Variants in TSNARE1 observed in about 807,000 individuals in gnomAD.
TSNARE1 encodes t-SNARE domain-containing protein 1.
Under a neutral mutation model 62.0 loss-of-function variants are expected in TSNARE1, and 49 were observed. The ratio of observed to expected loss-of-function variants is 0.79; its 90% CI spans 0.63 to 1.00. The LOEUF (loss-of-function observed/expected upper bound fraction) is 1.00. TSNARE1 is among the 50% of genes least tolerant of loss of function. TSNARE1 has a pLI of 0.00. For synonymous variants in TSNARE1, 328 were observed against 294.4 expected, an observed-to-expected ratio of 1.11 and a Z score of -1.17; for missense variants, 755 against 700.1, an observed-to-expected ratio of 1.08 and a Z score of -0.88.
intron 1 of TSNARE1, among the ~76,000 whole-genome samples, chr8:142,389,347 T>C (rs1837322327): frequency 6.6e-6 from 1 of 152,178 alleles, no homozygotes; most frequent in South Asian, 2.1e-4. Flanking sequence ...CAATGATTTT[T>C]TTAATATGAC....
At chr8:142,303,833 C>T (rs906527637) in intron 9 of TSNARE1, among the ~76,000 whole-genome samples, 1 of 152,110 alleles carries the variant, frequency 6.6e-6, no homozygotes, top group Non-Finnish European at 1.5e-5. Flanking sequence ...CTTAGAGGGA[C>T]GTGGCATGAG....
intron 1 of TSNARE1, among the ~76,000 whole-genome samples, chr8:142,399,888 G>A (rs1033260013): frequency 1.3e-5 from 2 of 152,144 alleles, no homozygotes; most frequent in African/African-American, 2.4e-5. Context: ...AGAAACGCCC[G>A]TGTGCATTAA....
In TSNARE1 at chr8:142,222,472, C is replaced by CCACTCACTCACTCATCCACTAATT. The variant is rs1816372983; in HGVS notation, c.*11+7000_*11+7001insAATTAGTGGATGAGTGAGTGAGTG. ...CTCACTCACTCACTCATCCACTCATCCACTCACTCACTCACTCATCCACTC... is the reference window on the plus strand; with the variant it reads ...CTCACTCACTCACTCATCCACTCATCCACTCACTCACTCATCCACTAATTCACTCACTCACTCACTCATCCACTC... On this transcript the variant is annotated intron_variant, in intron 13 of 13. Transcript: ENST00000524325. 6.7e-4 allele frequency among the ~76,000 whole-genome samples: 23 copies of CCACTCACTCACTCATCCACTAATT among 34,090 alleles called. 3 individuals are homozygous for CCACTCACTCACTCATCCACTAATT. The highest frequency in any genetic ancestry group is 1.8e-3 in the South Asian group (2 of 1,110). The allele number at this position is 34,090 out of a possible 152,430, so 22.4% of individuals were successfully genotyped here. A position where few individuals can be genotyped will look rare whatever the true frequency, so the allele number is the denominator to read the frequency against.
chr8:142,256,510 C>G, intron 12 of TSNARE1, among the ~76,000 whole-genome samples: 1 of 148,452 alleles, frequency 6.7e-6, no homozygotes, highest in Admixed American at 6.7e-5. Context: ...CTGTAACCAT[C>G]ACCACCACCA....
rs560215170 is a variant in TSNARE1, at chr8:142,320,149, C to T, written c.894-1515G>A. Among the ~76,000 whole-genome samples, 6 of 152,318 alleles carry T rather than the reference C, an allele frequency of 3.9e-5. No individual in the cohort carries two copies. In the South Asian group the frequency reaches 1.0e-3, roughly 26 times the overall value. On this transcript the variant is annotated intron_variant, in intron 6 of 13. Transcript: ENST00000524325. ...GGCCTCCCGTCCCCGGCCCACTCACCACTGCATCCCCTCACATTCTGTGCA... is the reference window on the plus strand; with the variant it reads ...GGCCTCCCGTCCCCGGCCCACTCACTACTGCATCCCCTCACATTCTGTGCA...
intron 10 of TSNARE1, among the ~76,000 whole-genome samples, chr8:142,297,742 C>T (rs562209698): frequency 2.0e-5 from 3 of 152,346 alleles, no homozygotes; most frequent in Admixed American, 6.5e-5. Flanking sequence ...TCATGCGTCA[C>T]GCTGGAGTTA....
rs55916891 is a variant in TSNARE1 at position 142,345,776 on chromosome 8, C to T, written c.205G>A (p.Gly69Ser). Residue 69 changes from glycine (G) to serine (S), a missense_variant, in exon 3 of 14, where the codon GGC becomes AGC. Physicochemically the swap from Gly to Ser is moderately conservative, Grantham distance 56 (BLOSUM62 0). Coordinates refer to ENST00000524325, the MANE Select transcript of TSNARE1 (RefSeq NM_145003.5). ...CTGGCCCTTGGGACAATAGGCGTGC[C>T]TGCTGGCCCCAGATCACCTTCCCCG... is the stretch of plus-strand genomic sequence containing the variant. ...KDGEGDLGPAGTPIVPRARKR... is the reference protein window; with the variant it reads ...KDGEGDLGPASTPIVPRARKR... The T allele has an allele frequency of 6.2e-7, 1 of 1,613,328 alleles. No individual in the cohort carries two copies. Among genetic ancestry groups the T allele is most frequent in the African/African-American group, 1.3e-5 (1 of 74,880 alleles).
chr8:142,261,087 GA>G (rs1818858946), intron 12 of TSNARE1, among the ~76,000 whole-genome samples: 1 of 52,464 alleles, frequency 1.9e-5, no homozygotes, highest in African/African-American at 7.9e-5. Context: ...AGGAAAGGAG[GA>G]AGGAGGGAAG....
In TSNARE1 at chr8:142,278,507, G is replaced by GC. The variant is rs1398196904; in HGVS notation, c.1364-3645dup. The GC allele has an allele frequency of 3.0e-6, 3 of 985,476 alleles. No homozygotes were observed. In the East Asian group the frequency reaches 3.4e-4, roughly 112 times the overall value. 61.0% of individuals were successfully genotyped at this position (985,476 alleles called of 1,614,324 possible). ...AGCGGGGCTCTGCTTCGAAGGGTGT[G>GC]CCACCATATGCGGAGGACGGCGAAG... On this transcript the variant is annotated intron_variant, in intron 11 of 13. Coordinates refer to ENST00000524325, the MANE Select transcript of TSNARE1 (RefSeq NM_145003.5).
At chr8:142,273,450 G>GC (rs1819928944) in intron 12 of TSNARE1, 1 of 985,256 alleles carries the variant, frequency 1.0e-6, no homozygotes, top group African/African-American at 1.7e-5. Context: ...GACTAGAGGT[G>GC]CTGGGCCAAG....
chr8:142,346,988 C>T (rs957730099), intron 2 of TSNARE1, among the ~76,000 whole-genome samples: 2 of 152,218 alleles, frequency 1.3e-5, no homozygotes, highest in Admixed American at 6.5e-5. Flanking sequence ...CTCCTGCCCC[C>T]AGACAGCACT....
intron 1 of TSNARE1, among the ~76,000 whole-genome samples, chr8:142,379,642 C>T (rs984741785): frequency 2.6e-5 from 4 of 152,158 alleles, no homozygotes; most frequent in African/African-American, 4.8e-5. Context: ...CGGGGAGGCG[C>T]GAGACCACAC....
intron 1 of TSNARE1, among the ~76,000 whole-genome samples, chr8:142,377,834 G>A (rs1285873192): frequency 2.6e-5 from 4 of 152,238 alleles, no homozygotes; most frequent in Non-Finnish European, 4.4e-5. Flanking sequence ...AGCTGGAAAC[G>A]TCCTAAAGAC....
chr8:142,328,098 A>C (rs978895098), intron 6 of TSNARE1, among the ~76,000 whole-genome samples: 5 of 152,048 alleles, frequency 3.3e-5, no homozygotes, highest in Non-Finnish European at 4.4e-5. Context: ...AAAGTAAAAA[A>C]TGTCCTCTTC....
At chr8:142,222,491 TCC>T in intron 13 of TSNARE1, among the ~76,000 whole-genome samples, 2 of 10,248 alleles carry the variant, frequency 2.0e-4, no homozygotes, top group East Asian at 3.0e-3. Flanking sequence ...CACTCACTCA[TCC>T]ACTCACTCAT....
intron 4 of TSNARE1, among the ~76,000 whole-genome samples, chr8:142,336,547 A>G (rs1365789206): frequency 6.6e-6 from 1 of 152,206 alleles, no homozygotes; most frequent in Non-Finnish European, 1.5e-5. Flanking sequence ...GTATGCACCT[A>G]ATGTCACAGC....
In TSNARE1 at chr8:142,272,374, CTCCT is replaced by C. The variant is rs767229920; in HGVS notation, c.1446+2403_1446+2406del. ...CATCCACCCACCCGTCTACACCTTC[CTCCT>C]TCCATCCATCCACCCGCCCATCTAC... On this transcript the variant is annotated intron_variant, in intron 12 of 13. Coordinates refer to ENST00000524325, the MANE Select transcript of TSNARE1 (RefSeq NM_145003.5). Among the ~76,000 whole-genome samples, 8 of 147,884 alleles carry C rather than the reference CTCCT, an allele frequency of 5.4e-5. No homozygotes were observed. In the East Asian group the frequency reaches 7.9e-4, roughly 15 times the overall value.
chr8:142,343,058 C>A (rs148743645), intron 4 of TSNARE1, among the ~76,000 whole-genome samples: 1 of 152,364 alleles, frequency 6.6e-6, no homozygotes, highest in East Asian at 1.9e-4. Flanking sequence ...TGGGCCCACG[C>A]TGACCTCCTG....
At chr8:142,386,052 T>A (rs143121268) in intron 1 of TSNARE1, among the ~76,000 whole-genome samples, 22 of 152,234 alleles carry the variant, frequency 1.4e-4, no homozygotes, top group African/African-American at 5.3e-4. Context: ...CTCTCTAACA[T>A]CCTCCTTCAC....
Sources: allele counts gnomAD v4.1 joint callset (sites outside exome capture counted in the v4.1 genomes callset), GRCh38; gene constraint gnomAD v4.1.1; transcripts MANE v1.5; gene names NCBI Gene and HGNC (gene_info 2026-07-23, HGNC 2026-07-21).